Variants in STXBP6 observed in about 807,000 individuals in gnomAD.
STXBP6 encodes the protein syntaxin binding protein 6.
STXBP6 carries 21 observed loss-of-function variants against 26.9 expected under a neutral mutation model. That is an observed-to-expected ratio of 0.78 (90% CI 0.55 to 1.12). STXBP6 has a LOEUF of 1.12. Among genes scored for constraint, STXBP6 ranks in the 50% most tolerant of loss-of-function variants. The pLI, the probability that STXBP6 is intolerant of heterozygous loss-of-function variation, is 0.00. For missense variants in STXBP6, 232 were observed against 257.9 expected, an observed-to-expected ratio of 0.90 and a Z score of 0.69; for synonymous variants, 97 against 92.6, an observed-to-expected ratio of 1.05 and a Z score of -0.27.
intron 2 of STXBP6, among the ~76,000 whole-genome samples, chr14:24,908,468 A>G (rs1487558511): frequency 6.6e-6 from 1 of 152,216 alleles, no homozygotes; most frequent in Non-Finnish European, 1.5e-5. Context: ...TACAATGTGT[A>G]TAGAAGCTCC....
At chr14:24,924,976 G>A (rs1229500678) in intron 2 of STXBP6, among the ~76,000 whole-genome samples, 2 of 152,234 alleles carry the variant, frequency 1.3e-5, no homozygotes, top group African/African-American at 2.4e-5. Context: ...ATAAGATACC[G>A]TTGTATCAAG....
intron 2 of STXBP6, among the ~76,000 whole-genome samples, chr14:24,888,452 G>A (rs1479843874): frequency 2.0e-5 from 3 of 152,122 alleles, no homozygotes; most frequent in African/African-American, 7.2e-5. Flanking sequence ...GGCTGGGTGC[G>A]GTGGCTCACC....
At chr14:25,012,779 T>G (rs1451287215) in intron 1 of STXBP6, among the ~76,000 whole-genome samples, 1 of 152,158 alleles carries the variant, frequency 6.6e-6, no homozygotes, top group Non-Finnish European at 1.5e-5. Context: ...TGAGAACCCC[T>G]AGGCATCCTC....
At chr14:24,972,111 C>G (rs2073922962) in intron 2 of STXBP6, among the ~76,000 whole-genome samples, 2 of 152,180 alleles carry the variant, frequency 1.3e-5, no homozygotes, top group African/African-American at 4.8e-5. Flanking sequence ...CTCCTGCCCC[C>G]ATTTCCACTA....
chr14:25,036,700 C>G (rs927330357), intron 1 of STXBP6, among the ~76,000 whole-genome samples: 3 of 151,412 alleles, frequency 2.0e-5, no homozygotes, highest in African/African-American at 7.3e-5. Flanking sequence ...TAAAAATATA[C>G]AAAAAATTAG....
At chr14:24,932,179 CG>C (rs1288689814) in intron 2 of STXBP6, among the ~76,000 whole-genome samples, 3 of 152,008 alleles carry the variant, frequency 2.0e-5, no homozygotes, top group African/African-American at 7.2e-5. Context: ...GAGGCCAAGG[CG>C]GGCAGATCAC....
chr14:25,019,782 C>CCTAGTCA (rs1298405320), intron 1 of STXBP6, among the ~76,000 whole-genome samples: 1 of 151,574 alleles, frequency 6.6e-6, no homozygotes, highest in Non-Finnish European at 1.5e-5. Flanking sequence ...TGCATATTGA[C>CCTAGTCA]TAGGCAGTAA....
intron 2 of STXBP6, among the ~76,000 whole-genome samples, chr14:24,891,621 AT>A (rs760242975): frequency 2.4e-4 from 37 of 152,270 alleles, no homozygotes; most frequent in African/African-American, 8.9e-4. Context: ...GAAAACCAAT[AT>A]TCATTTTACC....
chr14:24,962,856 G>A (rs1461227887), intron 2 of STXBP6, among the ~76,000 whole-genome samples: 1 of 149,134 alleles, frequency 6.7e-6, no homozygotes, highest in Admixed American at 6.7e-5. Context: ...TTTAAAGCAA[G>A]ACTGAGATCA....
At position 24,987,640 on chromosome 14, in the gene STXBP6, A is replaced by G. The variant is rs143591674; in HGVS notation, c.-32-12790T>C. On this transcript the variant is annotated intron_variant, in intron 1 of 5. Transcript: ENST00000323944. ...GGTATGATTGTCTCTACTGACACAT[A>G]AAGAGAAGGAATGGGTCTTCCTCCT... Among the ~76,000 whole-genome samples the G allele has an allele frequency of 1.0e-3, 159 of 152,374 alleles. 1 individual carries two copies. The highest frequency in any genetic ancestry group is 3.5e-3 in the African/African-American group (144 of 41,600).
At chr14:24,898,188 C>A (rs1179121211) in intron 2 of STXBP6, among the ~76,000 whole-genome samples, 1 of 152,160 alleles carries the variant, frequency 6.6e-6, no homozygotes, top group Non-Finnish European at 1.5e-5. Flanking sequence ...TAACACTGAC[C>A]GAGCATCCCA....
At chr14:24,841,482 G>A (rs1474878239) in intron 4 of STXBP6, among the ~76,000 whole-genome samples, 25 of 152,136 alleles carry the variant, frequency 1.6e-4, no homozygotes, top group Admixed American at 1.6e-3. Flanking sequence ...GCAAGTTTTA[G>A]CCATCATCTT....
At chr14:24,824,043 G>C (rs1443655704) in intron 4 of STXBP6, among the ~76,000 whole-genome samples, 2 of 152,148 alleles carry the variant, frequency 1.3e-5, no homozygotes, top group Non-Finnish European at 1.5e-5. Flanking sequence ...GTACAATTAA[G>C]TCTTATTAAG....
intron 2 of STXBP6, among the ~76,000 whole-genome samples, chr14:24,964,219 C>T (rs910254600): frequency 2.0e-5 from 3 of 152,114 alleles, no homozygotes; most frequent in Admixed American, 2.0e-4. Context: ...TCTCTAGAGG[C>T]TGACAGTCTA....
At chr14:24,858,068 T>C (rs1397336069) in intron 2 of STXBP6, among the ~76,000 whole-genome samples, 1 of 152,156 alleles carries the variant, frequency 6.6e-6, no homozygotes, top group Non-Finnish European at 1.5e-5. Flanking sequence ...ATATTGAAGA[T>C]GATCCTAATT....
chr14:24,919,162 C>T (rs1408121538), intron 2 of STXBP6, among the ~76,000 whole-genome samples: 1 of 152,040 alleles, frequency 6.6e-6, no homozygotes, highest in Non-Finnish European at 1.5e-5. Context: ...ACTTATGCAA[C>T]AGGTACTATG....
chr14:24,863,754 G>A (rs1219410123), intron 2 of STXBP6, among the ~76,000 whole-genome samples: 1 of 151,590 alleles, frequency 6.6e-6, no homozygotes, highest in African/African-American at 2.4e-5. Context: ...TTCCCAATAT[G>A]TTTGATTTTT....
Position 24,943,120 on chromosome 14 carries a change from G to A in STXBP6, c.154+31545C>T, listed in dbSNP as rs144622743. ...TTAACAGAACCCTGATTCTGGCACT[G>A]GGGGTGGGGTGTGAGGCAAGAAGGC... On this transcript the variant is annotated intron_variant, in intron 2 of 5. Coordinates refer to ENST00000323944, the MANE Select transcript of STXBP6 (RefSeq NM_001394410.1). Among the ~76,000 whole-genome samples the A allele has an allele frequency of 2.1e-4, 32 of 152,318 alleles. No homozygotes were observed. The East Asian group carries it at 5.8e-3, about 28-fold the overall frequency.
In STXBP6 at chr14:25,037,858, A is replaced by G. The variant is rs565350261; in HGVS notation, c.-33+12020T>C. On this transcript the variant is annotated intron_variant, in intron 1 of 5. Transcript: ENST00000323944. ...CTTTCAAGTGGTCTCTGACTTTACA[A>G]TTGCCCTGGGCCATCTATGCTGGCT... Among the ~76,000 whole-genome samples the G allele has an allele frequency of 3.3e-5, 5 of 152,308 alleles. No homozygotes were observed. The East Asian group carries it at 5.8e-4, about 18-fold the overall frequency.
Sources: allele counts gnomAD v4.1 joint callset (sites outside exome capture counted in the v4.1 genomes callset), GRCh38; gene constraint gnomAD v4.1.1; transcripts MANE v1.5; gene names NCBI Gene and HGNC (gene_info 2026-07-23, HGNC 2026-07-21).